The following KIF26B variants were observed in gnomAD, a reference collection of about 807,000 sequenced individuals.
KIF26B encodes the protein kinesin-like protein KIF26B.
A neutral mutation model predicts 151.2 loss-of-function variants in KIF26B; 63 were observed. The observed-to-expected ratio is 0.42, with a 90% confidence interval of 0.34 to 0.51. The LOEUF (loss-of-function observed/expected upper bound fraction) is 0.51, where lower values mean the gene tolerates loss of function less well. Among genes scored for constraint, KIF26B ranks in the 20% least tolerant of loss-of-function variants. The probability of loss-of-function intolerance (pLI) is 0.07; values close to 1 mark genes in which losing one functional copy is unlikely to be tolerated. For missense variants in KIF26B, 2,813 were observed against 2,913.6 expected (o/e 0.97, Z 0.79); for synonymous variants, 1,357 against 1,262.1 (o/e 1.08, Z -1.59).
chr1:245,530,019 C>A (rs1661325307), intron 4 of KIF26B, among the ~76,000 whole-genome samples: 1 of 152,110 alleles, frequency 6.6e-6, no homozygotes, highest in South Asian at 2.1e-4. Flanking sequence ...GGCAAAAGAT[C>A]TGAATAGACA....
intron 2 of KIF26B, among the ~76,000 whole-genome samples, chr1:245,171,559 A>C (rs550486596): frequency 6.6e-6 from 1 of 152,358 alleles, no homozygotes; most frequent in East Asian, 1.9e-4. Flanking sequence ...AAAAATTCTT[A>C]CATGGGACAA....
intron 2 of KIF26B, among the ~76,000 whole-genome samples, chr1:245,293,758 A>G (rs1401997239): frequency 6.6e-6 from 1 of 151,978 alleles, no homozygotes; most frequent in Non-Finnish European, 1.5e-5. Context: ...TTGTATTTTT[A>G]GTAGACATGG....
chr1:245,155,923 A>G (rs2103514666), intron 1 of KIF26B, among the ~76,000 whole-genome samples: 1 of 151,600 alleles, frequency 6.6e-6, no homozygotes, highest in South Asian at 2.1e-4. Flanking sequence ...AGGGTCTTCC[A>G]GGATTTTGTT....
chr1:245,521,896 T>G (rs532116857), intron 4 of KIF26B, among the ~76,000 whole-genome samples: 35 of 148,426 alleles, frequency 2.4e-4, no homozygotes, highest in Non-Finnish European at 4.7e-4. Context: ...GATGGAGTCT[T>G]GCTCTGTCAC....
intron 4 of KIF26B, among the ~76,000 whole-genome samples, chr1:245,431,327 C>T (rs1362239230): frequency 7.4e-5 from 11 of 149,528 alleles, no homozygotes; most frequent in Admixed American, 4.0e-4. Context: ...TGCAGGCGCC[C>T]GCCACCATGC....
intron 9 of KIF26B, among the ~76,000 whole-genome samples, chr1:245,615,785 G>A (rs558347713): frequency 8.9e-4 from 135 of 152,322 alleles, no homozygotes; most frequent in Non-Finnish European, 1.6e-3. Context: ...CCCTCCCGAG[G>A]GGAAAGGATC....
At chr1:245,421,808 G>T (rs1000329979) in intron 4 of KIF26B, among the ~76,000 whole-genome samples, 2 of 152,136 alleles carry the variant, frequency 1.3e-5, no homozygotes, top group Non-Finnish European at 2.9e-5. Context: ...GCTGGGGAAA[G>T]GATGTGGAAA....
chr1:245,682,755 G>A (rs529838409), intron 10 of KIF26B, among the ~76,000 whole-genome samples: 10 of 152,252 alleles, frequency 6.6e-5, no homozygotes, highest in African/African-American at 2.4e-4. Flanking sequence ...CCTCCACTGC[G>A]CATATTGAAG....
intron 2 of KIF26B, among the ~76,000 whole-genome samples, chr1:245,186,111 G>GATCC: frequency 6.6e-6 from 1 of 152,116 alleles, no homozygotes; most frequent in East Asian, 1.9e-4. Flanking sequence ...CTTACCTCGT[G>GATCC]ATCCACCCAC....
rs1050545786 is a variant in KIF26B, at chr1:245,516,119, C to T, written c.1167-24648C>T. 6.6e-6 allele frequency among the ~76,000 whole-genome samples: 1 copy of T among 152,090 alleles called. No homozygotes were observed. Among genetic ancestry groups the T allele is most frequent in the African/African-American group, 2.4e-5 (1 of 41,404 alleles). On this transcript the variant is annotated intron_variant, in intron 4 of 14. Coordinates refer to ENST00000407071, the MANE Select transcript of KIF26B (RefSeq NM_018012.4). The surrounding 1 kb of genome is among the most constrained non-coding windows in gnomAD (Gnocchi z 4.2). ...GTTTTCACGGTGGGACTATCCAGGACTAAAGAGAATGGCACCGTATTGCTC... is the reference window on the plus strand; with the variant it reads ...GTTTTCACGGTGGGACTATCCAGGATTAAAGAGAATGGCACCGTATTGCTC...
chr1:245,364,478 G>A (rs1488909051), intron 2 of KIF26B, among the ~76,000 whole-genome samples: 1 of 143,992 alleles, frequency 6.9e-6, no homozygotes, highest in African/African-American at 2.6e-5. Context: ...CCAGGCTGGA[G>A]TGCAGTGGTG....
chr1:245,609,218 G>A, intron 7 of KIF26B, 48 bp from the exon 8 acceptor site: 1 of 1,517,448 alleles, frequency 6.6e-7, no homozygotes, highest in Non-Finnish European at 8.9e-7. Flanking sequence ...TCCGTGGAAT[G>A]ATGCCTGGAC....
chr1:245,489,148 A>G (rs1660344967), intron 4 of KIF26B, among the ~76,000 whole-genome samples: 5 of 152,342 alleles, frequency 3.3e-5, no homozygotes, highest in Admixed American at 1.3e-4. Context: ...AAGGCCACTT[A>G]CTGATCATTA....
At chr1:245,538,700 A>G (rs1323635780) in intron 4 of KIF26B, among the ~76,000 whole-genome samples, 1 of 152,052 alleles carries the variant, frequency 6.6e-6, no homozygotes, top group African/African-American at 2.4e-5. Flanking sequence ...TCCTTTTTAC[A>G]CTGTGAAAAG....
intron 2 of KIF26B, among the ~76,000 whole-genome samples, chr1:245,310,842 C>A (rs1002427134): frequency 9.2e-5 from 14 of 152,166 alleles, no homozygotes; most frequent in African/African-American, 3.4e-4. Context: ...AGGTGACCTG[C>A]AGAGCCACAG....
At chr1:245,609,616 C>G (rs950774016) in intron 8 of KIF26B, 88 bp downstream of exon 8, 32 of 1,366,072 alleles carry the variant, frequency 2.3e-5, no homozygotes, top group Non-Finnish European at 3.1e-5. Context: ...ATCACTGAAC[C>G]TGTAAACTCA....
intron 4 of KIF26B, among the ~76,000 whole-genome samples, chr1:245,466,791 T>G (rs1240827615): frequency 1.3e-5 from 2 of 152,078 alleles, no homozygotes; most frequent in Non-Finnish European, 2.9e-5. Context: ...CAGGGCGTGG[T>G]GGTGAGTGCC....
intron 2 of KIF26B, among the ~76,000 whole-genome samples, chr1:245,334,906 C>T (rs770810468): frequency 4.3e-5 from 5 of 117,336 alleles, no homozygotes; most frequent in Non-Finnish European, 9.4e-5. Context: ...ATAACTGGAC[C>T]GAGTCTACAC....
At chr1:245,511,182 A>T in intron 4 of KIF26B, 1 of 595,480 alleles carries the variant, frequency 1.7e-6, no homozygotes, top group Non-Finnish European at 3.1e-6. Context: ...TTTTCTTGCT[A>T]TTTTTTTTTT....
Sources: allele counts gnomAD v4.1 joint callset (sites outside exome capture counted in the v4.1 genomes callset), GRCh38; gene constraint gnomAD v4.1.1; non-coding constraint Gnocchi (gnomAD v3.1); transcripts MANE v1.5; gene names NCBI Gene and HGNC (gene_info 2026-07-23, HGNC 2026-07-21).